Variants in TMEM117 observed in about 807,000 individuals in gnomAD.
The protein encoded by TMEM117 is transmembrane protein 117.
In TMEM117, 27 loss-of-function variants were observed where a neutral mutation model predicts 52.4. That is an observed-to-expected ratio of 0.51 (90% CI 0.38 to 0.71). TMEM117 has a LOEUF of 0.71. Ranked by LOEUF, TMEM117 falls within the 30% of genes least tolerant of loss-of-function variation. TMEM117 has a pLI of 0.00. For missense variants in TMEM117, 556 were observed against 630.5 expected, an observed-to-expected ratio of 0.88 and a Z score of 1.26; for synonymous variants, 215 against 206.3, an observed-to-expected ratio of 1.04 and a Z score of -0.36.
At chr12:44,175,701 G>T (rs1431979429) in intron 4 of TMEM117, among the ~76,000 whole-genome samples, 1 of 152,134 alleles carries the variant, frequency 6.6e-6, no homozygotes, top group Non-Finnish European at 1.5e-5. Flanking sequence ...GTCAAATGAA[G>T]AAGGTAGAGC....
intron 2 of TMEM117, among the ~76,000 whole-genome samples, chr12:43,937,181 A>G (rs562789154): frequency 6.6e-6 from 1 of 152,266 alleles, no homozygotes; most frequent in African/African-American, 2.4e-5. Context: ...GTTGAGGGAA[A>G]ATAATGTTTG....
rs375125184 is a variant in TMEM117, at chr12:43,848,541, C to T, written c.277+3613C>T. ...AGAAGAAAATATGGCTCTTTTTGCCCGACCCCTCAGGCAGTCAGACCTTAT... is the reference window on the plus strand; with the variant it reads ...AGAAGAAAATATGGCTCTTTTTGCCTGACCCCTCAGGCAGTCAGACCTTAT... On this transcript the variant is annotated intron_variant, in intron 2 of 7. Transcript: ENST00000266534. 3.4e-4 allele frequency among the ~76,000 whole-genome samples: 51 copies of T among 152,226 alleles called. No individual in the cohort carries two copies. In the East Asian group the frequency reaches 6.8e-3, roughly 20 times the overall value.
chr12:43,805,630 G>A, the TMEM117 span: 1 of 510,530 alleles, frequency 2.0e-6, no homozygotes, highest in Non-Finnish European at 3.6e-6. Context: ...GTTTCCCTTG[G>A]GGAGTATCTA....
intron 2 of TMEM117, among the ~76,000 whole-genome samples, chr12:43,916,596 A>G (rs1328658417): frequency 1.3e-5 from 2 of 152,168 alleles, no homozygotes; most frequent in African/African-American, 4.8e-5. Context: ...TTTACTACTT[A>G]TATCACTCTG....
chr12:44,234,288 A>G (rs1266518492), intron 5 of TMEM117, among the ~76,000 whole-genome samples: 1 of 151,440 alleles, frequency 6.6e-6, no homozygotes, highest in Non-Finnish European at 1.5e-5. Flanking sequence ...TTAGAGGATG[A>G]TATATAGTCA....
chr12:44,358,420 C>T (rs555514456), intron 6 of TMEM117, among the ~76,000 whole-genome samples: 1 of 152,044 alleles, frequency 6.6e-6, no homozygotes, highest in African/African-American at 2.4e-5. Context: ...GATGGTTGGC[C>T]ACTTGTGAAC....
intron 2 of TMEM117, among the ~76,000 whole-genome samples, chr12:43,939,136 G>A (rs2072848022): frequency 6.6e-6 from 1 of 152,148 alleles, no homozygotes; most frequent in East Asian, 1.9e-4. Flanking sequence ...GAATATTACT[G>A]GTATGTGGAA....
intron 4 of TMEM117, among the ~76,000 whole-genome samples, chr12:44,185,935 G>A (rs1949272557): frequency 6.7e-6 from 1 of 150,190 alleles, no homozygotes; most frequent in African/African-American, 2.5e-5. Context: ...CTTTCTTATA[G>A]TGTTATTATT....
rs142946493 is a variant in TMEM117, at chr12:43,899,164, C to G, written c.278-45046C>G. Among the ~76,000 whole-genome samples the G allele has an allele frequency of 1.9e-3, 294 of 152,330 alleles. 1 individual carries two copies. The highest frequency in any genetic ancestry group is 6.8e-3 in the African/African-American group (282 of 41,568). ...TCTGTAGATTCATATTGCTTGAAGT[C>G]TGATCCTAAATATGTTTAATTACAA... On this transcript the variant is annotated intron_variant, in intron 2 of 7. Transcript: ENST00000266534.
At chr12:44,029,608 CCTCT>C (rs373307966) in intron 3 of TMEM117, among the ~76,000 whole-genome samples, 1 of 151,562 alleles carries the variant, frequency 6.6e-6, no homozygotes, top group Non-Finnish European at 1.5e-5. Context: ...AGGCAATGCT[CCTCT>C]CTCTCTCTCT....
At chr12:44,073,188 A>G (rs1020308387) in intron 3 of TMEM117, among the ~76,000 whole-genome samples, 1 of 152,126 alleles carries the variant, frequency 6.6e-6, no homozygotes. Flanking sequence ...ACAAGCTTTT[A>G]AAACATTAAT....
chr12:44,116,482 CTG>C (rs1948145822), intron 3 of TMEM117, among the ~76,000 whole-genome samples: 1 of 152,154 alleles, frequency 6.6e-6, no homozygotes, highest in South Asian at 2.1e-4. Flanking sequence ...TTTCTTCTCT[CTG>C]TGGAATTTCA....
At chr12:44,299,192 G>A (rs991167028) in intron 5 of TMEM117, among the ~76,000 whole-genome samples, 1 of 148,442 alleles carries the variant, frequency 6.7e-6, no homozygotes, top group Admixed American at 6.8e-5. Context: ...GTGCAGTGGC[G>A]CAATCTCGGC....
intron 2 of TMEM117, among the ~76,000 whole-genome samples, chr12:43,872,673 T>C (rs1406281480): frequency 6.6e-6 from 1 of 152,242 alleles, no homozygotes; most frequent in African/African-American, 2.4e-5. Flanking sequence ...AAAGGTATTT[T>C]TGAATCTTTC....
chr12:43,960,552 A>G (rs1330946675), intron 3 of TMEM117, among the ~76,000 whole-genome samples: 1 of 152,172 alleles, frequency 6.6e-6, no homozygotes, highest in Non-Finnish European at 1.5e-5. Context: ...AACATAGTCA[A>G]TGTTGGATCC....
intron 5 of TMEM117, 51 bp from the exon 6 acceptor site, chr12:44,299,529 T>C (rs757473651): frequency 6.9e-6 from 11 of 1,597,546 alleles, no homozygotes; most frequent in Non-Finnish European, 8.6e-6. Flanking sequence ...CACTCTCTAG[T>C]ATCTATATTT....
At chr12:43,822,048 A>G in the TMEM117 span, among the ~76,000 whole-genome samples, 3 of 152,204 alleles carry the variant, frequency 2.0e-5, no homozygotes, top group Non-Finnish European at 4.4e-5. Context: ...AAGAGTTTTT[A>G]TAACTGTAAG....
intron 6 of TMEM117, among the ~76,000 whole-genome samples, chr12:44,355,231 C>T (rs1170215612): frequency 1.3e-5 from 2 of 151,916 alleles, no homozygotes; most frequent in Admixed American, 6.6e-5. Flanking sequence ...TGTCTTCTGG[C>T]TGATATTGCT....
the TMEM117 span, among the ~76,000 whole-genome samples, chr12:43,809,671 C>T: frequency 6.6e-6 from 1 of 152,168 alleles, no homozygotes; most frequent in African/African-American, 2.4e-5. Context: ...CATAAAACCA[C>T]AATATCGCTG....
Sources: allele counts gnomAD v4.1 joint callset (sites outside exome capture counted in the v4.1 genomes callset), GRCh38; gene constraint gnomAD v4.1.1; transcripts MANE v1.5; gene names NCBI Gene and HGNC (gene_info 2026-07-23, HGNC 2026-07-21).